The following GINS3 variants were observed in gnomAD, a reference collection of about 807,000 sequenced individuals.
GINS3 encodes GINS complex subunit 3.
A neutral mutation model predicts 20.0 loss-of-function variants in GINS3; 18 were observed. The observed-to-expected ratio is 0.90, with a 90% CI of 0.62 to 1.33. The LOEUF is 1.33. GINS3 is among the 40% of genes most tolerant of loss of function. The probability of loss-of-function intolerance (pLI) is 0.00; values close to 1 mark genes in which losing one functional copy is unlikely to be tolerated. For synonymous variants in GINS3, 109 were observed against 107.0 expected, an observed-to-expected ratio of 1.02 and a Z score of -0.12; for missense variants, 254 against 273.6, an observed-to-expected ratio of 0.93 and a Z score of 0.51.
In GINS3 at chr16:58,403,000, A is replaced by G. The variant is rs954913889; in HGVS notation, c.187-98A>G. On this transcript the variant is annotated intron_variant, in intron 1 of 2. Transcript: ENST00000318129. ...TTGACAGCCACTCCCCCAAAGAGAA[A>G]AGGCAGTATTGCGCAGGCGATGTGT... 7 of 927,002 alleles carry G rather than the reference A, an allele frequency of 7.6e-6. No homozygotes were observed. In the East Asian group the frequency reaches 1.8e-4, roughly 23 times the overall value. The allele number at this position is 927,002 out of a possible 1,614,324, so 57.4% of individuals were successfully genotyped here.
intron 1 of GINS3, among the ~76,000 whole-genome samples, chr16:58,401,392 A>G (rs1965952161): frequency 6.6e-6 from 1 of 152,116 alleles, no homozygotes; most frequent in Non-Finnish European, 1.5e-5. Flanking sequence ...AAGCTTCCAC[A>G]GCGTGGAAGG....
At position 58,401,156 on chromosome 16, in the gene GINS3, A is replaced by C. The variant is rs114114138; in HGVS notation, c.187-1942A>C. ...CTCGCTGACTTCAAGAATGAAGCCG[A>C]AGACCCTTGTGGTGAGTGTTACAGT... is the stretch of plus-strand genomic sequence containing the variant. On this transcript the variant is annotated intron_variant, in intron 1 of 2. Transcript: ENST00000318129. Among the ~76,000 whole-genome samples, 773 of 152,060 alleles carry C rather than the reference A, an allele frequency of 5.1e-3. 6 individuals carry two copies. The highest frequency in any genetic ancestry group is 0.016 in the African/African-American group (678 of 41,456).
chr16:58,404,813 C>T lies in GINS3; in HGVS notation c.*84C>T. 1 of 926,244 alleles carries T rather than the reference C, an allele frequency of 1.1e-6. No homozygotes were observed. The highest frequency in any genetic ancestry group is 1.5e-5 in the South Asian group (1 of 65,224). The allele number at this position is 926,244 out of a possible 1,614,324, so 57.4% of individuals were successfully genotyped here. A position where few individuals can be genotyped will look rare whatever the true frequency, so the allele number is the denominator to read the frequency against. ...GGAGCTGGTTGACCTTGTACAGAAC[C>T]AGAATCCTGTCCCATTTCATGGCTT... On this transcript the variant is annotated 3_prime_UTR_variant, in exon 3 of 3. Coordinates refer to ENST00000318129, the MANE Select transcript of GINS3 (RefSeq NM_022770.4).
intron 1 of GINS3, among the ~76,000 whole-genome samples, chr16:58,394,095 G>T (rs978282924): frequency 6.6e-6 from 1 of 151,948 alleles, no homozygotes; most frequent in Non-Finnish European, 1.5e-5. Context: ...TAAACATGGC[G>T]CTATGCTGCC....
chr16:58,393,934 C>T (rs556039904), intron 1 of GINS3, among the ~76,000 whole-genome samples: 3 of 152,094 alleles, frequency 2.0e-5, no homozygotes, highest in South Asian at 2.1e-4. Context: ...CCACAGGGCT[C>T]ATGTACCTTT....
intron 1 of GINS3, among the ~76,000 whole-genome samples, chr16:58,401,485 C>T (rs1317848074): frequency 1.3e-5 from 2 of 152,122 alleles, no homozygotes; most frequent in Non-Finnish European, 2.9e-5. Flanking sequence ...GCTGATTGGT[C>T]CATTTTACAG....
intron 1 of GINS3, chr16:58,395,080 T>C: frequency 2.0e-6 from 1 of 511,176 alleles, no homozygotes; most frequent in Non-Finnish European, 3.4e-6. Flanking sequence ...TATCTAATTT[T>C]TTTTTTTTTT....
intron 1 of GINS3, among the ~76,000 whole-genome samples, chr16:58,398,367 G>A (rs945343028): frequency 4.3e-4 from 65 of 152,074 alleles, no homozygotes; most frequent in African/African-American, 1.4e-3. Context: ...CCCAACACTG[G>A]GAGGTGGAGG....
intron 1 of GINS3, among the ~76,000 whole-genome samples, chr16:58,398,219 A>G (rs1374090671): frequency 2.0e-5 from 3 of 152,134 alleles, no homozygotes; most frequent in Non-Finnish European, 4.4e-5. Context: ...ATTCATAGCT[A>G]TTCATTTCTT....
At position 58,400,580 on chromosome 16, in the gene GINS3, A is replaced by G. The variant is rs911793729; in HGVS notation, c.187-2518A>G. The stretch of plus-strand genomic sequence containing the variant: ...CTGAAATCCAAGTTCCCAAATGCCA[A>G]CCAAGGGCCAACCTTGCAGCAGGCC... On this transcript the variant is annotated intron_variant, in intron 1 of 2. Coordinates refer to ENST00000318129, the MANE Select transcript of GINS3 (RefSeq NM_022770.4). Among the ~76,000 whole-genome samples the G allele has an allele frequency of 3.9e-5, 6 of 152,244 alleles. No homozygotes were observed. The South Asian group carries it at 1.0e-3, about 26-fold the overall frequency.
rs1044096780 is a variant in GINS3 at position 58,398,405 on chromosome 16, C to T, written c.187-4693C>T. Among the ~76,000 whole-genome samples, 10 of 152,006 alleles carry T rather than the reference C, an allele frequency of 6.6e-5. No individual in the cohort carries two copies. The East Asian group carries it at 1.2e-3, about 18-fold the overall frequency. On this transcript the variant is annotated intron_variant, in intron 1 of 2. Coordinates refer to ENST00000318129, the MANE Select transcript of GINS3 (RefSeq NM_022770.4). ...GGAGGATCACTTGAGCCCAGGAGTT[C>T]GAGACCAGCCTAGGCAACATAGTGA... is the stretch of plus-strand genomic sequence containing the variant.
chr16:58,404,769 C>A lies in GINS3; in HGVS notation c.*40C>A. The A allele has an allele frequency of 1.4e-6, 2 of 1,409,030 alleles. No homozygotes were observed. The highest frequency in any genetic ancestry group is 2.0e-6 in the Non-Finnish European group (2 of 1,004,090). The allele number at this position is 1,409,030 out of a possible 1,614,324, so 87.3% of individuals were successfully genotyped here. On this transcript the variant is annotated 3_prime_UTR_variant, in exon 3 of 3. Coordinates refer to ENST00000318129, the MANE Select transcript of GINS3 (RefSeq NM_022770.4). ...CAGAATGGCTCCTCACAGACGTATC[C>A]CTCCGTGTGTCCTTGATAGGAGCTG...
Position 58,403,250 on chromosome 16 carries a change from G to A in GINS3, c.339G>A (p.Gly113=), listed in dbSNP as rs1596962318. 1.9e-6 allele frequency: 3 copies of A among 1,614,100 alleles called. No homozygotes were observed. In the Admixed American group the frequency reaches 5.0e-5, roughly 27 times the overall value. Residue 113 remains glycine (G), a synonymous_variant, in exon 2 of 3, where the codon GGG becomes GGA. Coordinates refer to ENST00000318129, the MANE Select transcript of GINS3 (RefSeq NM_022770.4). ...ATGTGGTGGACCTCCACAAAATGGG[G>A]CCCCATTTCTACGGGTTTGGCTCCC... ...DPNVVDLHKM[G]PHFYGFGSQL... is the part of the protein sequence containing the mutation.
chr16:58,404,302 C>T, intron 2 of GINS3, 197 bp from the exon 3 acceptor site: 1 of 585,856 alleles, frequency 1.7e-6, no homozygotes. Context: ...TCATAACAAT[C>T]CACTTCACAG....
At chr16:58,394,139 A>G (rs1402397250) in intron 1 of GINS3, among the ~76,000 whole-genome samples, 2 of 152,010 alleles carry the variant, frequency 1.3e-5, no homozygotes, top group Non-Finnish European at 2.9e-5. Flanking sequence ...GTTTTTAGTT[A>G]ATGCCCTTTT....
At chr16:58,397,255 A>G (rs536601858) in intron 1 of GINS3, among the ~76,000 whole-genome samples, 2 of 148,290 alleles carry the variant, frequency 1.3e-5, no homozygotes, top group Admixed American at 6.7e-5. Flanking sequence ...ACGGGGCAGC[A>G]GGGCAGAGGC....
intron 1 of GINS3, among the ~76,000 whole-genome samples, chr16:58,399,436 TTATCTC>T (rs1965926681): frequency 6.6e-6 from 1 of 152,206 alleles, no homozygotes; most frequent in Non-Finnish European, 1.5e-5. Flanking sequence ...ACGTCTCCCT[TTATCTC>T]TAATGCTCCT....
intron 1 of GINS3, among the ~76,000 whole-genome samples, chr16:58,396,168 G>A (rs1181367393): frequency 3.1e-5 from 4 of 127,172 alleles, no homozygotes; most frequent in Admixed American, 7.5e-5. Flanking sequence ...TGGACGGGGC[G>A]GCTGGCCGGG....
rs1428593982 is a variant in GINS3 at position 58,396,862 on chromosome 16, C to A, written c.186+4075C>A. Among the ~76,000 whole-genome samples, 21 of 141,248 alleles carry A rather than the reference C, an allele frequency of 1.5e-4. 1 individual carries two copies. The highest frequency in any genetic ancestry group is 5.1e-4 in the African/African-American group (19 of 37,316). 92.7% of individuals were successfully genotyped at this position (141,248 alleles called of 152,430 possible). ...CCGGGCAGAGGCGCCCCTCACCTCC[C>A]GGACGGGGCGGCTGGCCGGGCGGGG... On this transcript the variant is annotated intron_variant, in intron 1 of 2. Coordinates refer to ENST00000318129, the MANE Select transcript of GINS3 (RefSeq NM_022770.4).
Sources: gnomAD v4.1 joint callset for allele counts (sites outside exome capture counted in the v4.1 genomes callset) on GRCh38, gnomAD v4.1.1 for gene constraint, MANE v1.5 for transcripts, NCBI Gene and HGNC (gene_info 2026-07-23, HGNC 2026-07-21) for gene names.